Variants in CCDC85C observed in about 807,000 individuals in gnomAD.
CCDC85C encodes coiled-coil domain-containing protein 85C.
Under a neutral mutation model 38.3 loss-of-function variants are expected in CCDC85C, and 18 were observed. That is an observed-to-expected ratio of 0.47 (90% CI 0.33 to 0.70). The LOEUF is 0.70. Ranked by LOEUF, CCDC85C falls within the 30% of genes least tolerant of loss-of-function variation. The probability of loss-of-function intolerance (pLI) is 0.03; values close to 1 mark genes in which losing one functional copy is unlikely to be tolerated. For synonymous variants in CCDC85C, 264 were observed against 293.8 expected, an observed-to-expected ratio of 0.90 and a Z score of 1.04; for missense variants, 566 against 621.2, an observed-to-expected ratio of 0.91 and a Z score of 0.94.
In CCDC85C at chr14:99,500,405, T is replaced by A. The variant is rs1405931227; in HGVS notation, c.*14841A>T. 9.8e-6 allele frequency: 2 copies of A among 204,104 alleles called. No individual in the cohort carries two copies. Among genetic ancestry groups the A allele is most frequent in the East Asian group, 1.6e-4 (1 of 6,240 alleles). The allele number at this position is 204,104 out of a possible 1,614,324, so 12.6% of individuals were successfully genotyped here. A position where few individuals can be genotyped will look rare whatever the true frequency, so the allele number is the denominator to read the frequency against. ...CAATGAAAATTCCTAAAAGATTGCATTTTTAAAATTTGAGGTCTTGAAAGA... is the reference window on the plus strand; with the variant it reads ...CAATGAAAATTCCTAAAAGATTGCAATTTTAAAATTTGAGGTCTTGAAAGA... On this transcript the variant is annotated 3_prime_UTR_variant, in exon 6 of 6. Coordinates refer to ENST00000380243, the MANE Select transcript of CCDC85C (RefSeq NM_001144995.2).
intron 2 of CCDC85C, 166 bp from the exon 3 acceptor site, chr14:99,522,406 A>G (rs1897315764): frequency 1.8e-6 from 1 of 556,894 alleles, no homozygotes; most frequent in East Asian, 3.0e-5. Flanking sequence ...GCCGGGATCA[A>G]TCGATCTTCA....
chr14:99,551,024 A>G (rs12372919), intron 1 of CCDC85C, among the ~76,000 whole-genome samples: 80,741 of 152,196 alleles, frequency 0.53, 21,614 homozygotes, highest in African/African-American at 0.58. Context: ...TCCAAAGCCA[A>G]TGTGGTATCA....
In CCDC85C at chr14:99,515,150, AC is replaced by A; in HGVS notation, c.*95del. 1.2e-6 allele frequency: 1 copy of A among 853,984 alleles called. No homozygotes were observed. Among genetic ancestry groups the A allele is most frequent in the South Asian group, 1.6e-5 (1 of 61,524 alleles). 52.9% of individuals were successfully genotyped at this position (853,984 alleles called of 1,614,324 possible). The stretch of plus-strand genomic sequence containing the variant: ...GTACAGTTCACCACAGAGGAAGAAG[AC>A]AGGGGCTGGGCTGGAGGTCCTGCCC... On this transcript the variant is annotated 3_prime_UTR_variant, in exon 6 of 6. Transcript: ENST00000380243.
At chr14:99,597,747 T>A (rs1185178833) in intron 1 of CCDC85C, among the ~76,000 whole-genome samples, 1 of 152,182 alleles carries the variant, frequency 6.6e-6, no homozygotes, top group Non-Finnish European at 1.5e-5. Context: ...GCCATTCTTA[T>A]TCCTGCCTGG....
chr14:99,539,055 A>G (rs922739668), intron 1 of CCDC85C, among the ~76,000 whole-genome samples: 1 of 152,262 alleles, frequency 6.6e-6, no homozygotes, highest in African/African-American at 2.4e-5. Flanking sequence ...GCTATGCAGA[A>G]TAAAATACAC....
chr14:99,556,184 T>C (rs1355621315), intron 1 of CCDC85C, among the ~76,000 whole-genome samples: 1 of 152,242 alleles, frequency 6.6e-6, no homozygotes, highest in African/African-American at 2.4e-5. Context: ...TGAGAAGCCA[T>C]GGAGCAAGGA....
At chr14:99,551,161 T>G (rs111509587) in intron 1 of CCDC85C, among the ~76,000 whole-genome samples, 5 of 152,274 alleles carry the variant, frequency 3.3e-5, no homozygotes, top group African/African-American at 1.2e-4. Context: ...GCAGAGGAGA[T>G]GCCCTCCCAG....
chr14:99,589,971 T>A (rs2055068564), intron 1 of CCDC85C, among the ~76,000 whole-genome samples: 1 of 152,234 alleles, frequency 6.6e-6, no homozygotes, highest in African/African-American at 2.4e-5. Context: ...TCTGCCTCCT[T>A]CCTGCTCAGA....
chr14:99,565,573 G>C (rs1285875848), intron 1 of CCDC85C, among the ~76,000 whole-genome samples: 3 of 152,220 alleles, frequency 2.0e-5, no homozygotes, highest in Admixed American at 6.5e-5. Context: ...CCCAGGGGCA[G>C]AGTGTGTCTC....
At chr14:99,522,309 G>T in intron 2 of CCDC85C, 69 bp from the exon 3 acceptor site, 1 of 1,181,674 alleles carries the variant, frequency 8.5e-7, no homozygotes, top group Non-Finnish European at 1.2e-6. Flanking sequence ...CCTGGGCATG[G>T]CTCCTCACGG....
rs1897566143 is a variant in CCDC85C, at chr14:99,535,007, C to T, written c.867+1008G>A. 1 of 405,678 alleles carries T rather than the reference C, an allele frequency of 2.5e-6. No individual in the cohort carries two copies. Among genetic ancestry groups the T allele is most frequent in the Middle Eastern group, 7.0e-4 (1 of 1,430 alleles). 25.1% of individuals were successfully genotyped at this position (405,678 alleles called of 1,614,324 possible). A position where few individuals can be genotyped will look rare whatever the true frequency, so the allele number is the denominator to read the frequency against. ...CACCAGGCCCTGGGAACCTTCCCCA[C>T]AGCCCACAAAGGGGTGAGACGTGAG... On this transcript the variant is annotated intron_variant, in intron 2 of 5. Coordinates refer to ENST00000380243, the MANE Select transcript of CCDC85C (RefSeq NM_001144995.2). The surrounding 1 kb of genome is among the most constrained non-coding windows in gnomAD (Gnocchi z 5.5).
chr14:99,598,894 G>A (rs998161044), intron 1 of CCDC85C, among the ~76,000 whole-genome samples: 2 of 152,196 alleles, frequency 1.3e-5, no homozygotes, highest in African/African-American at 4.8e-5. Flanking sequence ...ACTGGGCACA[G>A]TTTACCCACC....
intron 3 of CCDC85C, among the ~76,000 whole-genome samples, chr14:99,521,489 C>T (rs368713164): frequency 3.3e-5 from 5 of 152,314 alleles, no homozygotes; most frequent in South Asian, 4.1e-4. Flanking sequence ...CCTCCATACA[C>T]GGCTCTGCAG....
Position 99,540,476 on chromosome 14 carries a change from G to A in CCDC85C, c.794-4388C>T, listed in dbSNP as rs1169842695. ...AAACTCGTGATCCCACTGGGTGCCT[G>A]CAAGCCCCAGCCTCTTGGAGATGAG... On this transcript the variant is annotated intron_variant, in intron 1 of 5. Transcript: ENST00000380243. 2.0e-5 allele frequency among the ~76,000 whole-genome samples: 3 copies of A among 152,222 alleles called. No individual in the cohort carries two copies. The South Asian group carries it at 6.2e-4, about 31-fold the overall frequency.
rs987925186 is a variant in CCDC85C at position 99,522,059 on chromosome 14, G to A, written c.975+74C>T. 1.2e-5 allele frequency: 14 copies of A among 1,163,144 alleles called. No homozygotes were observed. In the East Asian group the frequency reaches 2.1e-4, roughly 17 times the overall value. 72.1% of individuals were successfully genotyped at this position (1,163,144 alleles called of 1,614,324 possible). On this transcript the variant is annotated intron_variant, in intron 3 of 5. Transcript: ENST00000380243. ...GGCACCCAGATCCTTGTGCCCCTCC[G>A]GGCAGGTCACTGGCCCGCCTGAGCC...
Position 99,510,265 on chromosome 14 carries a change from C to CCCTT in CCDC85C, c.*4980_*4981insAAGG. 6.4e-7 allele frequency: 1 copy of CCCTT among 1,560,678 alleles called. No individual in the cohort carries two copies. Among genetic ancestry groups the CCCTT allele is most frequent in the Non-Finnish European group, 8.6e-7 (1 of 1,156,694 alleles). ...ATTCCCCCTCCGGCCCACCCGGCCC[C>CCCTT]TGTGCACCAGCCACCGCCGCTGCCA... is the stretch of plus-strand genomic sequence containing the variant. On this transcript the variant is annotated 3_prime_UTR_variant, in exon 6 of 6. Coordinates refer to ENST00000380243, the MANE Select transcript of CCDC85C (RefSeq NM_001144995.2).
At position 99,516,361 on chromosome 14, in the gene CCDC85C, C is replaced by T; in HGVS notation, c.1072-75G>A. Reference sequence around the variant, plus strand: ...CGGGCAAGTCACCTGGCCCCTGATCCTCAGCCTCCCCTGCTGCGAACCAAA... The same window carrying T: ...CGGGCAAGTCACCTGGCCCCTGATCTTCAGCCTCCCCTGCTGCGAACCAAA... On this transcript the variant is annotated intron_variant, in intron 4 of 5. Transcript: ENST00000380243. The surrounding 1 kb of genome is among the most constrained non-coding windows in gnomAD (Gnocchi z 5.5). 9.2e-7 allele frequency: 1 copy of T among 1,090,096 alleles called. No homozygotes were observed. The highest frequency in any genetic ancestry group is 1.4e-6 in the Non-Finnish European group (1 of 732,152). The allele number at this position is 1,090,096 out of a possible 1,614,324, so 67.5% of individuals were successfully genotyped here.
At chr14:99,549,345 C>CA (rs1334195720) in intron 1 of CCDC85C, among the ~76,000 whole-genome samples, 1 of 152,214 alleles carries the variant, frequency 6.6e-6, no homozygotes, top group African/African-American at 2.4e-5. Context: ...CAAACACCCC[C>CA]AGCAGTGACC....
intron 1 of CCDC85C, among the ~76,000 whole-genome samples, chr14:99,560,434 A>G (rs1418945720): frequency 6.6e-6 from 1 of 152,322 alleles, no homozygotes; most frequent in South Asian, 2.1e-4. Context: ...CAGCACCATC[A>G]GTGGAACCTC....
Sources: gnomAD v4.1 joint callset for allele counts (sites outside exome capture counted in the v4.1 genomes callset) on GRCh38, gnomAD v4.1.1 for gene constraint, Gnocchi (gnomAD v3.1) non-coding constraint, MANE v1.5 for transcripts, NCBI Gene and HGNC (gene_info 2026-07-23, HGNC 2026-07-21) for gene names.